L3MBTL2: variants seen among roughly 807,000 people sequenced by gnomAD.
The protein encoded by L3MBTL2 is L3MBTL histone methyl-lysine binding protein 2.
A neutral mutation model predicts 86.4 loss-of-function variants in L3MBTL2; 49 were observed. The ratio of observed to expected loss-of-function variants is 0.57; its 90% CI spans 0.45 to 0.72. The LOEUF (loss-of-function observed/expected upper bound fraction) is 0.72, where lower values mean the gene tolerates loss of function less well. Among genes scored for constraint, L3MBTL2 ranks in the 30% least tolerant of loss-of-function variants. L3MBTL2 has a pLI of 0.00. For synonymous variants in L3MBTL2, 336 were observed against 350.6 expected (o/e 0.96, Z 0.47); for missense variants, 755 against 923.7 (o/e 0.82, Z 2.37).
chr22:41,230,078 C>CA lies in L3MBTL2; in HGVS notation c.2006-61_2006-60insA. ...AGCCAGGTCCCTTTCCCAGCTCCTC[C>CA]GCCCCCACCCCTCCCAGAGTTATTT... On this transcript the variant is annotated intron_variant, in intron 16 of 16. Coordinates refer to ENST00000216237, the MANE Select transcript of L3MBTL2 (RefSeq NM_031488.5). 3.7e-6 allele frequency: 3 copies of CA among 821,650 alleles called. 1 individual carries two copies. The South Asian group carries it at 5.2e-5, about 14-fold the overall frequency. 50.9% of individuals were successfully genotyped at this position (821,650 alleles called of 1,614,324 possible). A position where few individuals can be genotyped will look rare whatever the true frequency, so the allele number is the denominator to read the frequency against.
At chr22:41,219,685 G>T (rs914481202) in intron 6 of L3MBTL2, 149 bp downstream of exon 6, 3 of 610,796 alleles carry the variant, frequency 4.9e-6, no homozygotes, top group Admixed American at 2.6e-5. Flanking sequence ...TTCTTTTACC[G>T]GAGAAGGGAA....
chr22:41,225,921 T>G lies in L3MBTL2; in HGVS notation c.1484T>G (p.Ile495Ser). ...FPATFCQKND[I>S]ELTPPKGYEA... ...GCCACCTTCTGTCAGAAGAATGACA[T>G]TGAGCTCACACCGCCAAAAGGTAAG... is the stretch of plus-strand genomic sequence containing the variant. Residue 495 changes from isoleucine to serine, a missense_variant, in exon 12 of 17, where the codon ATT becomes AGT. Around this residue, in one of 3 missense-constraint regions of L3MBTL2, gnomAD observed 634 missense variants for 748.9 expected, o/e 0.85. Coordinates refer to ENST00000216237, the MANE Select transcript of L3MBTL2 (RefSeq NM_031488.5). This position sits in a 1 kb window ranked among gnomAD's most constrained non-coding sequence, Gnocchi z 4.1. The G allele has an allele frequency of 6.2e-7, 1 of 1,614,056 alleles. No individual in the cohort carries two copies. The highest frequency in any genetic ancestry group is 8.5e-7 in the Non-Finnish European group (1 of 1,180,014).
In L3MBTL2 at chr22:41,224,304, G is replaced by A; in HGVS notation, c.1174+53G>A. ...TGCATGCTGTGCTTCCCCAGGGACGGAGTGGGAGCACCTTCCTACTCGTCA... is the reference window on the plus strand; with the variant it reads ...TGCATGCTGTGCTTCCCCAGGGACGAAGTGGGAGCACCTTCCTACTCGTCA... On this transcript the variant is annotated intron_variant, in intron 9 of 16. Transcript: ENST00000216237. This position sits in a 1 kb window ranked among gnomAD's most constrained non-coding sequence, Gnocchi z 4.9. The A allele has an allele frequency of 6.9e-7, 1 of 1,452,300 alleles. No individual in the cohort carries two copies. The highest frequency in any genetic ancestry group is 2.3e-5 in the East Asian group (1 of 43,694). 90.0% of individuals were successfully genotyped at this position (1,452,300 alleles called of 1,614,324 possible). A position where few individuals can be genotyped will look rare whatever the true frequency, so the allele number is the denominator to read the frequency against.
In L3MBTL2 at chr22:41,213,915, C is replaced by T. The variant is rs755717884; in HGVS notation, c.285C>T (p.Ile95=). 1.1e-5 allele frequency: 17 copies of T among 1,613,998 alleles called. No homozygotes were observed. The highest frequency in any genetic ancestry group is 9.9e-5 in the South Asian group (9 of 91,086). ...SEPAVCEMCG[I]VGTREAFFSK... ...CAGCTGTCTGTGAGATGTGTGGTATCGTGGGTACAAGGGAAGCCTTCTTCT... is the reference window on the plus strand; with the variant it reads ...CAGCTGTCTGTGAGATGTGTGGTATTGTGGGTACAAGGGAAGCCTTCTTCT... Residue 95 remains isoleucine, a synonymous_variant, in exon 3 of 17, where the codon ATC becomes ATT. Coordinates refer to ENST00000216237, the MANE Select transcript of L3MBTL2 (RefSeq NM_031488.5).
intron 8 of L3MBTL2, among the ~76,000 whole-genome samples, chr22:41,223,133 G>C (rs529790869): frequency 6.6e-6 from 1 of 152,308 alleles, no homozygotes; most frequent in South Asian, 2.1e-4. Flanking sequence ...AAGCCCTTGA[G>C]CTGGGCCAGA....
In L3MBTL2 at chr22:41,219,295, G is replaced by A. The variant is rs890986922; in HGVS notation, c.601-124G>A. The stretch of plus-strand genomic sequence containing the variant: ...CTCTTTATCTCTAGTAGCTGGTTCT[G>A]CACACAGTGGGTGATGTGAAAAGTT... On this transcript the variant is annotated intron_variant, in intron 5 of 16. Coordinates refer to ENST00000216237, the MANE Select transcript of L3MBTL2 (RefSeq NM_031488.5). 75 of 718,432 alleles carry A rather than the reference G, an allele frequency of 1.0e-4. No homozygotes were observed. In the African/African-American group the frequency reaches 1.1e-3, roughly 10 times the overall value. The allele number at this position is 718,432 out of a possible 1,614,324, so 44.5% of individuals were successfully genotyped here. A position where few individuals can be genotyped will look rare whatever the true frequency, so the allele number is the denominator to read the frequency against.
chr22:41,209,991 G>T (rs149389235), intron 2 of L3MBTL2, 58 bp downstream of exon 2: 4 of 1,587,408 alleles, frequency 2.5e-6, no homozygotes, highest in Non-Finnish European at 2.6e-6. Flanking sequence ...AGAGGAAGAG[G>T]GGGGTGGATA....
In L3MBTL2 at chr22:41,225,974, T is replaced by TG. The variant is rs763471968; in HGVS notation, c.1504+34dup. ...TAGAGAGGCCACCACCTGCTGTCCTTGCCATCAGAAGGGGCAGGGTGTCCA... is the reference window on the plus strand; with the variant it reads ...TAGAGAGGCCACCACCTGCTGTCCTTGGCCATCAGAAGGGGCAGGGTGTCCA... On this transcript the variant is annotated intron_variant, in intron 12 of 16. Transcript: ENST00000216237. The surrounding 1 kb of genome is among the most constrained non-coding windows in gnomAD (Gnocchi z 4.1). 30 of 1,609,154 alleles carry TG rather than the reference T, an allele frequency of 1.9e-5. 2 individuals carry two copies. The South Asian group carries it at 3.3e-4, about 18-fold the overall frequency.
Position 41,230,436 on chromosome 22 carries a change from G to C in L3MBTL2, c.*185G>C. ...CTCCTGGGACCCGCCTGTTGCTTCT[G>C]CCCTCCCCTGTGGAAAGGTCTATAT... On this transcript the variant is annotated 3_prime_UTR_variant, in exon 17 of 17. Coordinates refer to ENST00000216237, the MANE Select transcript of L3MBTL2 (RefSeq NM_031488.5). 1 of 593,128 alleles carries C rather than the reference G, an allele frequency of 1.7e-6. No homozygotes were observed. Among genetic ancestry groups the C allele is most frequent in the Admixed American group, 3.0e-5 (1 of 33,300 alleles). The allele number at this position is 593,128 out of a possible 1,614,324, so 36.7% of individuals were successfully genotyped here.
intron 3 of L3MBTL2, chr22:41,214,312 C>T (rs1324968581): frequency 8.6e-6 from 2 of 233,666 alleles, no homozygotes; most frequent in African/African-American, 4.5e-5. Context: ...CCTTGGTCTT[C>T]ACCCCACACT....
chr22:41,219,323 G>A, intron 5 of L3MBTL2, 96 bp from the exon 6 acceptor site: 1 of 840,546 alleles, frequency 1.2e-6, no homozygotes, highest in Non-Finnish European at 2.0e-6. Context: ...GAAAAGTTGA[G>A]GTGCAAACGA....
chr22:41,229,744 A>C, intron 16 of L3MBTL2, 88 bp downstream of exon 16: 2 of 1,606,912 alleles, frequency 1.2e-6, no homozygotes, highest in South Asian at 2.2e-5. Flanking sequence ...GGCACAGAAG[A>C]GTAGAGTCAG....
intron 1 of L3MBTL2, chr22:41,208,168 C>T (rs1601484046): frequency 3.8e-6 from 1 of 266,304 alleles, no homozygotes; most frequent in East Asian, 1.5e-4. Flanking sequence ...ATGTCATTCT[C>T]TTGCCCAGGC....
chr22:41,211,702 G>A (rs1053962631), intron 2 of L3MBTL2, among the ~76,000 whole-genome samples: 9 of 147,532 alleles, frequency 6.1e-5, no homozygotes, highest in Admixed American at 3.4e-4. Context: ...GACTACAGGC[G>A]CCTGCCACCA....
chr22:41,224,197 C>T lies in L3MBTL2; in HGVS notation c.1120C>T (p.Leu374=). 3.7e-6 allele frequency: 6 copies of T among 1,614,062 alleles called. No homozygotes were observed. The highest frequency in any genetic ancestry group is 5.1e-6 in the Non-Finnish European group (6 of 1,180,006). ...DDFWCHMWSP[L]IHPVGWSRRV... is the part of the protein sequence containing the mutation. ...CTTCTGGTGCCACATGTGGAGCCCCCTGATCCACCCAGTGGGTTGGTCACG... is the reference window on the plus strand; with the variant it reads ...CTTCTGGTGCCACATGTGGAGCCCCTTGATCCACCCAGTGGGTTGGTCACG... The change falls in exon 9 of 17, where the codon CTG becomes TTG. Residue 374 remains leucine, a synonymous_variant. Transcript: ENST00000216237. The surrounding 1 kb of genome is among the most constrained non-coding windows in gnomAD (Gnocchi z 4.9).
rs779338410 is a variant in L3MBTL2 at position 41,224,754 on chromosome 22, A to C, written c.1204A>C (p.Thr402Pro). 11 of 1,613,788 alleles carry C rather than the reference A, an allele frequency of 6.8e-6. 1 individual carries two copies. Among genetic ancestry groups the C allele is most frequent in the African/African-American group, 2.7e-5 (2 of 74,890 alleles). Reference protein sequence around the residue: ...ERRSDMAHHPTFRKIYCDAVP... With the variant: ...ERRSDMAHHPPFRKIYCDAVP... ...GCGAAGTGACATGGCCCATCACCCC[A>C]CCTTCCGGAAGATCTACTGTGATGC... is the stretch of plus-strand genomic sequence containing the variant. Residue 402 changes from threonine to proline, a missense_variant, in exon 10 of 17, where the codon ACC becomes CCC. This residue lies in a region of L3MBTL2 where 634 missense variants were observed against 748.9 expected (regional missense o/e 0.85). Coordinates refer to ENST00000216237, the MANE Select transcript of L3MBTL2 (RefSeq NM_031488.5). The surrounding 1 kb of genome is among the most constrained non-coding windows in gnomAD (Gnocchi z 4.9).
Position 41,229,570 on chromosome 22 carries a change from C to T in L3MBTL2, c.1919C>T (p.Pro640Leu). 1 of 1,613,002 alleles carries T rather than the reference C, an allele frequency of 6.2e-7. No individual in the cohort carries two copies. The highest frequency in any genetic ancestry group is 8.5e-7 in the Non-Finnish European group (1 of 1,179,078). ...RKRIPPTKTR[P>L]LRQGSKKPLL... ...AGAATCCCGCCCACTAAGACGCGAC[C>T]CCTCAGACAGGGGTCCAAGAAGCCC... Residue 640 changes from proline to leucine, a missense_variant, in exon 16 of 17, where the codon CCC becomes CTC. By Grantham distance (98) the Pro-to-Leu change is moderately conservative. Around this residue, in one of 3 missense-constraint regions of L3MBTL2, gnomAD observed 634 missense variants for 748.9 expected, o/e 0.85. Transcript: ENST00000216237.
chr22:41,210,060 G>T, intron 2 of L3MBTL2, 127 bp downstream of exon 2: 1 of 1,308,906 alleles, frequency 7.6e-7, no homozygotes, highest in Non-Finnish European at 1.0e-6. Flanking sequence ...ATTTCTAAGG[G>T]ATCAGATGTG....
chr22:41,220,659 G>GAAAAAAA, intron 6 of L3MBTL2, 75 bp from the exon 7 acceptor site: 2 of 1,280,342 alleles, frequency 1.6e-6, no homozygotes, highest in South Asian at 1.6e-5. Context: ...CTTCGTCTCA[G>GAAAAAAA]AAAAAAAAAA....
Sources: gnomAD v4.1 joint callset for allele counts (sites outside exome capture counted in the v4.1 genomes callset) on GRCh38, gnomAD v4.1.1 for gene constraint, gnomAD v4.1.1 regional missense constraint, Gnocchi (gnomAD v3.1) non-coding constraint, MANE v1.5 for transcripts, NCBI Gene and HGNC (gene_info 2026-07-23, HGNC 2026-07-21) for gene names.